Variants in TTC7B observed in about 807,000 individuals in gnomAD.
TTC7B encodes the protein tetratricopeptide repeat protein 7B.
In TTC7B, 28 loss-of-function variants were observed where a neutral mutation model predicts 106.8. That is an observed-to-expected ratio of 0.26 (90% CI 0.19 to 0.36). The LOEUF (loss-of-function observed/expected upper bound fraction) is 0.36. Among genes scored for constraint, TTC7B ranks in the 10% least tolerant of loss-of-function variants. TTC7B has a pLI of 1.00. For missense variants in TTC7B, 862 were observed against 1,076.4 expected (o/e 0.80, Z 2.79); for synonymous variants, 405 against 430.6 (o/e 0.94, Z 0.74).
chr14:90,732,516 TA>T (rs1475103653), intron 4 of TTC7B, among the ~76,000 whole-genome samples: 5 of 152,192 alleles, frequency 3.3e-5, no homozygotes, highest in South Asian at 2.1e-4. Context: ...TAGCTGGGAC[TA>T]CAGGTGTGTG....
At chr14:90,803,784 A>G (rs1211527391) in intron 1 of TTC7B, among the ~76,000 whole-genome samples, 1 of 150,604 alleles carries the variant, frequency 6.6e-6, no homozygotes, top group Non-Finnish European at 1.5e-5. Flanking sequence ...CTTCCGCTAC[A>G]CTGGCAGAAG....
At chr14:90,702,087 C>T (rs900378481) in intron 5 of TTC7B, among the ~76,000 whole-genome samples, 2 of 152,134 alleles carry the variant, frequency 1.3e-5, no homozygotes, top group Non-Finnish European at 2.9e-5. Context: ...TGTAAAGAGA[C>T]AAAATAGAGT....
At chr14:90,629,956 G>A (rs965720612) in intron 15 of TTC7B, among the ~76,000 whole-genome samples, 13 of 152,314 alleles carry the variant, frequency 8.5e-5, no homozygotes, top group Middle Eastern at 3.4e-3. Context: ...AATATCCCAT[G>A]AGGATTTAAA....
At chr14:90,621,807 G>A (rs940102613) in intron 15 of TTC7B, among the ~76,000 whole-genome samples, 4 of 152,292 alleles carry the variant, frequency 2.6e-5, no homozygotes, top group South Asian at 2.1e-4. Context: ...AGTGATGCTC[G>A]TCATCCTATT....
chr14:90,687,194 T>C (rs1887281253), intron 7 of TTC7B, among the ~76,000 whole-genome samples: 1 of 152,172 alleles, frequency 6.6e-6, no homozygotes, highest in African/African-American at 2.4e-5. Flanking sequence ...AATTGTATAA[T>C]ATGTGAATTA....
At chr14:90,568,636 C>A (rs143876771) in intron 19 of TTC7B, among the ~76,000 whole-genome samples, 1 of 152,294 alleles carries the variant, frequency 6.6e-6, no homozygotes, top group East Asian at 1.9e-4. Flanking sequence ...GACAGGGTGG[C>A]CTGGTGCCAT....
At chr14:90,589,544 C>T (rs537550811) in intron 18 of TTC7B, among the ~76,000 whole-genome samples, 6 of 152,316 alleles carry the variant, frequency 3.9e-5, no homozygotes, top group Non-Finnish European at 8.8e-5. Flanking sequence ...TCAGTACAGA[C>T]AGATTTTTTT....
Position 90,663,190 on chromosome 14 carries a change from A to G in TTC7B, c.1153-4803T>C, listed in dbSNP as rs1230730807. Among the ~76,000 whole-genome samples, 1 of 152,196 alleles carries G rather than the reference A, an allele frequency of 6.6e-6. No homozygotes were observed. Among genetic ancestry groups the G allele is most frequent in the African/African-American group, 2.4e-5 (1 of 41,452 alleles). On this transcript the variant is annotated intron_variant, in intron 9 of 19. Coordinates refer to ENST00000328459, the MANE Select transcript of TTC7B (RefSeq NM_001010854.2). The surrounding 1 kb of genome is among the most constrained non-coding windows in gnomAD (Gnocchi z 4.5). ...CTTTATCATCGTCCATTTGCAGGTG[A>G]GGAAACTGAGATGCAGAGTTGTTAA...
At chr14:90,664,363 G>C (rs890555619) in intron 9 of TTC7B, among the ~76,000 whole-genome samples, 5 of 152,156 alleles carry the variant, frequency 3.3e-5, no homozygotes, top group Non-Finnish European at 7.4e-5. Context: ...TCCGCCTCCT[G>C]GGATCAAGCG....
At chr14:90,644,458 C>A (rs1394136152) in intron 14 of TTC7B, among the ~76,000 whole-genome samples, 1 of 152,154 alleles carries the variant, frequency 6.6e-6, no homozygotes, top group East Asian at 1.9e-4. Flanking sequence ...ATACAGGAGA[C>A]CCTGTTTCTC....
At chr14:90,582,000 G>A (rs1276892201) in intron 18 of TTC7B, among the ~76,000 whole-genome samples, 1 of 152,178 alleles carries the variant, frequency 6.6e-6, no homozygotes, top group Non-Finnish European at 1.5e-5. Context: ...CTCTGATAAG[G>A]CCTGTGACCC....
At chr14:90,566,828 T>C (rs905126678) in intron 19 of TTC7B, among the ~76,000 whole-genome samples, 1 of 152,020 alleles carries the variant, frequency 6.6e-6, no homozygotes, top group African/African-American at 2.4e-5. Flanking sequence ...TGACTTGGAG[T>C]GTTCTGGACA....
intron 1 of TTC7B, among the ~76,000 whole-genome samples, chr14:90,797,345 C>A (rs2029947037): frequency 6.8e-6 from 1 of 146,932 alleles, no homozygotes; most frequent in South Asian, 2.2e-4. Context: ...TTAATCCCAG[C>A]TACTCGGGAG....
At chr14:90,593,846 C>T (rs1176544340) in intron 17 of TTC7B, 2 of 419,838 alleles carry the variant, frequency 4.8e-6, no homozygotes, top group African/African-American at 2.0e-5. Flanking sequence ...GAGCACATGC[C>T]CCCTCCAGGA....
chr14:90,651,667 CAG>C (rs1885723423), intron 13 of TTC7B, among the ~76,000 whole-genome samples: 2 of 152,206 alleles, frequency 1.3e-5, no homozygotes, highest in South Asian at 4.1e-4. Flanking sequence ...AAGCTTAGCA[CAG>C]AGACAGGAGA....
In TTC7B at chr14:90,570,640, C is replaced by T. The variant is rs1286492; in HGVS notation, c.2310+7466G>A. 0.064 allele frequency among the ~76,000 whole-genome samples: 9,720 copies of T among 152,138 alleles called. 372 individuals carry two copies. Among genetic ancestry groups the T allele is most frequent in the East Asian group, 0.22 (1,111 of 5,148 alleles). On this transcript the variant is annotated intron_variant, in intron 19 of 19. Coordinates refer to ENST00000328459, the MANE Select transcript of TTC7B (RefSeq NM_001010854.2). The surrounding 1 kb of genome is among the most constrained non-coding windows in gnomAD (Gnocchi z 4.0). ...TCCTCCAACCAGTGAAAGTCAGTCACGCTGGTGCAGAAAGGGAAGCTCCAT... is the reference window on the plus strand; with the variant it reads ...TCCTCCAACCAGTGAAAGTCAGTCATGCTGGTGCAGAAAGGGAAGCTCCAT...
chr14:90,815,901 C>G (rs1337182333), intron 1 of TTC7B, among the ~76,000 whole-genome samples: 1 of 151,826 alleles, frequency 6.6e-6, no homozygotes, highest in Non-Finnish European at 1.5e-5. Context: ...GCTGAGACCC[C>G]CGGACACCCC....
intron 5 of TTC7B, among the ~76,000 whole-genome samples, chr14:90,712,347 A>G (rs565486650): frequency 2.2e-4 from 33 of 152,300 alleles, no homozygotes; most frequent in African/African-American, 6.0e-4. Context: ...GAAAAAAGTA[A>G]AATTGTTTAT....
chr14:90,645,886 T>C (rs1885423710), intron 14 of TTC7B, among the ~76,000 whole-genome samples: 3 of 152,140 alleles, frequency 2.0e-5, no homozygotes, highest in Non-Finnish European at 2.9e-5. Flanking sequence ...GAACCTACAG[T>C]CCAGTGAGAA....
Sources: gnomAD v4.1 joint callset for allele counts (sites outside exome capture counted in the v4.1 genomes callset) on GRCh38, gnomAD v4.1.1 for gene constraint, Gnocchi (gnomAD v3.1) non-coding constraint, MANE v1.5 for transcripts, NCBI Gene and HGNC (gene_info 2026-07-23, HGNC 2026-07-21) for gene names.